CRYM: variants seen among roughly 807,000 people sequenced by gnomAD.
The protein encoded by CRYM is ketimine reductase mu-crystallin.
A neutral mutation model predicts 32.9 loss-of-function variants in CRYM; 18 were observed. The observed-to-expected ratio is 0.55, with a 90% CI of 0.38 to 0.81. The LOEUF (loss-of-function observed/expected upper bound fraction) is 0.81. Ranked by LOEUF, CRYM falls within the 30% of genes least tolerant of loss-of-function variation. The probability of loss-of-function intolerance (pLI) is 0.00; values close to 1 mark genes in which losing one functional copy is unlikely to be tolerated. For synonymous variants in CRYM, 153 were observed against 152.4 expected (o/e 1.00, Z -0.03); for missense variants, 337 against 393.5 (o/e 0.86, Z 1.21).
intron 1 of CRYM, among the ~76,000 whole-genome samples, chr16:21,284,789 A>G (rs974646981): frequency 6.6e-6 from 1 of 152,234 alleles, no homozygotes; most frequent in Non-Finnish European, 1.5e-5. Context: ...TCCTTTGCGT[A>G]TATACCTAGT....
upstream of CRYM, among the ~76,000 whole-genome samples, chr16:21,281,694 T>G (rs13334084): frequency 6.6e-6 from 1 of 152,230 alleles, no homozygotes; most frequent in Non-Finnish European, 1.5e-5. Flanking sequence ...TCTGGCTGAC[T>G]TACAGAGGTT....
chr16:21,274,634 C>G (rs1388536767), intron 3 of CRYM, among the ~76,000 whole-genome samples: 2 of 152,098 alleles, frequency 1.3e-5, no homozygotes, highest in Non-Finnish European at 2.9e-5. Flanking sequence ...TTTTAAGACA[C>G]TCACTCTTTT....
chr16:21,297,980 T>TA (rs201679271), intron 1 of CRYM, among the ~76,000 whole-genome samples: 25 of 152,234 alleles, frequency 1.6e-4, no homozygotes, highest in Admixed American at 1.6e-3. Flanking sequence ...AGCAATGCAT[T>TA]AAAAAATGTT....
At chr16:21,287,485 G>A (rs1258161273) in intron 1 of CRYM, among the ~76,000 whole-genome samples, 1 of 152,154 alleles carries the variant, frequency 6.6e-6, no homozygotes, top group Non-Finnish European at 1.5e-5. Context: ...GTGACCCCAG[G>A]AAGGCCCTTA....
At chr16:21,294,286 G>C (rs572730717) in intron 1 of CRYM, among the ~76,000 whole-genome samples, 1 of 152,280 alleles carries the variant, frequency 6.6e-6, no homozygotes, top group East Asian at 1.9e-4. Context: ...GTTTTGGACC[G>C]TTTTCCCTGG....
upstream of CRYM, among the ~76,000 whole-genome samples, chr16:21,279,671 G>C (rs563459375): frequency 3.3e-5 from 5 of 152,214 alleles, no homozygotes; most frequent in Non-Finnish European, 5.9e-5. Flanking sequence ...ACAGATGAGC[G>C]AGAGCAGAGC....
intron 3 of CRYM, among the ~76,000 whole-genome samples, chr16:21,272,008 G>A (rs2093376421): frequency 4.6e-5 from 7 of 151,398 alleles, no homozygotes; most frequent in Admixed American, 3.3e-4. Flanking sequence ...ACAGGTATGT[G>A]CCACCATACT....
chr16:21,301,187 C>A (rs974809909), intron 1 of CRYM: 1 of 152,470 alleles, frequency 6.6e-6, no homozygotes, highest in African/African-American at 2.4e-5. Context: ...CATGAATCTT[C>A]TTAAACTTCT....
At chr16:21,296,210 T>A (rs1291348058) in intron 1 of CRYM, among the ~76,000 whole-genome samples, 1 of 152,208 alleles carries the variant, frequency 6.6e-6, no homozygotes, top group Non-Finnish European at 1.5e-5. Flanking sequence ...AGTGTTGGGA[T>A]TAAACGTGTG....
chr16:21,260,575 C>T (rs1597612371), intron 7 of CRYM, among the ~76,000 whole-genome samples: 3 of 152,172 alleles, frequency 2.0e-5, no homozygotes, highest in East Asian at 3.9e-4. Flanking sequence ...GTTGGGATTA[C>T]AGGCGTGAGC....
At chr16:21,273,019 T>C (rs1332906303) in intron 3 of CRYM, among the ~76,000 whole-genome samples, 2 of 151,920 alleles carry the variant, frequency 1.3e-5, no homozygotes, top group East Asian at 3.9e-4. Flanking sequence ...GACCCTGTAC[T>C]ACATGAGGGC....
At chr16:21,279,106 G>A (rs2093393514), upstream of CRYM, 1 of 152,338 alleles carries the variant, frequency 6.6e-6, no homozygotes, top group Admixed American at 6.5e-5. Context: ...AGGGCTTCAT[G>A]AAAGAGTGGG....
intron 3 of CRYM, among the ~76,000 whole-genome samples, chr16:21,272,651 ATT>A (rs11353509): frequency 1.0e-3 from 135 of 133,346 alleles, no homozygotes; most frequent in African/African-American, 1.1e-3. Flanking sequence ...ATTGGTGTGA[ATT>A]TTTTTTTTTT....
intron 5 of CRYM, among the ~76,000 whole-genome samples, 175 bp downstream of exon 5, chr16:21,267,378 AT>A (rs1347128312): frequency 1.3e-5 from 2 of 152,284 alleles, no homozygotes; most frequent in South Asian, 2.1e-4. Context: ...GATTACAGGC[AT>A]GAGCCACTGC....
At chr16:21,285,545 T>C (rs369980836) in intron 1 of CRYM, among the ~76,000 whole-genome samples, 12 of 152,244 alleles carry the variant, frequency 7.9e-5, no homozygotes, top group African/African-American at 2.9e-4. Context: ...ATCAGCACTA[T>C]AAAATTGTAA....
intron 4 of CRYM, among the ~76,000 whole-genome samples, chr16:21,269,553 T>C (rs1216021542): frequency 6.6e-6 from 1 of 152,202 alleles, no homozygotes; most frequent in Non-Finnish European, 1.5e-5. Flanking sequence ...GCTTGCTGTA[T>C]CCTCAGACAA....
In CRYM at chr16:21,258,858, G is replaced by T; in HGVS notation, c.881-13C>A. 6.2e-7 allele frequency: 1 copy of T among 1,613,854 alleles called. No individual in the cohort carries two copies. The highest frequency in any genetic ancestry group is 8.5e-7 in the Non-Finnish European group (1 of 1,179,862). The stretch of plus-strand genomic sequence containing the variant: ...TCCACTGCCATTCCTAGAATAGACA[G>T]AAATTTGGTTCGCCTTTGGTCAAAA... On this transcript the variant is annotated splice_polypyrimidine_tract_variant and intron_variant, in intron 7 of 7. Coordinates refer to ENST00000572914, the MANE Select transcript of CRYM (RefSeq NM_001376256.1).
At chr16:21,301,422 G>T in intron 1 of CRYM, 1 of 152,506 alleles carries the variant, frequency 6.6e-6, no homozygotes. Context: ...GTGTGCGCAT[G>T]GGACGAGGTG....
Position 21,277,222 on chromosome 16 carries a change from G to C in CRYM, c.324+209C>G, listed in dbSNP as rs763279919. Among the ~76,000 whole-genome samples, 16 of 152,202 alleles carry C rather than the reference G, an allele frequency of 1.1e-4. No individual in the cohort carries two copies. Among genetic ancestry groups the C allele is most frequent in the Non-Finnish European group, 2.1e-4 (14 of 68,038 alleles). ...ACACTGTCACATGCTTGAGGCAGCA[G>C]TGGGCGCTGGTGCCGTGTTATGCAT... On this transcript the variant is annotated intron_variant, in intron 2 of 7. Transcript: ENST00000572914. The surrounding 1 kb of genome is among the most constrained non-coding windows in gnomAD (Gnocchi z 4.2).
Sources: gnomAD v4.1 joint callset for allele counts (sites outside exome capture counted in the v4.1 genomes callset) on GRCh38, gnomAD v4.1.1 for gene constraint, Gnocchi (gnomAD v3.1) non-coding constraint, MANE v1.5 for transcripts, NCBI Gene and HGNC (gene_info 2026-07-23, HGNC 2026-07-21) for gene names.